CTNNA1: variants seen among roughly 807,000 people sequenced by gnomAD.
The protein encoded by CTNNA1 is catenin alpha 1.
Under a neutral mutation model 98.4 loss-of-function variants are expected in CTNNA1, and 37 were observed. That is an observed-to-expected ratio of 0.38 (90% confidence interval 0.29 to 0.49). The LOEUF (loss-of-function observed/expected upper bound fraction) is 0.49. CTNNA1 is among the 20% of genes least tolerant of loss of function. CTNNA1 has a pLI of 0.95. For synonymous variants in CTNNA1, 404 were observed against 413.2 expected, an observed-to-expected ratio of 0.98 and a Z score of 0.27; for missense variants, 761 against 1,147.2, an observed-to-expected ratio of 0.66 and a Z score of 4.86.
intron 3 of CTNNA1, among the ~76,000 whole-genome samples, chr5:138,798,198 G>T (rs1289561061): frequency 6.6e-6 from 1 of 152,000 alleles, no homozygotes; most frequent in Non-Finnish European, 1.5e-5. Flanking sequence ...GGGCACAGAA[G>T]TATTTGTTGA....
intron 7 of CTNNA1, among the ~76,000 whole-genome samples, chr5:138,849,741 C>T (rs993880742): frequency 1.3e-5 from 2 of 151,988 alleles, no homozygotes; most frequent in East Asian, 1.9e-4. Context: ...CATTTGCTGG[C>T]TTTCATAGGG....
At chr5:138,814,878 C>T (rs1188582044) in intron 5 of CTNNA1, among the ~76,000 whole-genome samples, 1 of 152,064 alleles carries the variant, frequency 6.6e-6, no homozygotes, top group East Asian at 1.9e-4. Context: ...CTCAGGCTCC[C>T]GAGTAGCTGG....
intron 1 of CTNNA1, among the ~76,000 whole-genome samples, chr5:138,776,992 G>A (rs562978658): frequency 5.5e-3 from 369 of 66,536 alleles, no homozygotes; most frequent in Middle Eastern, 0.039. Flanking sequence ...CTGGCCTGGC[G>A]GGGGCTGACC....
intron 17 of CTNNA1, 60 bp from the exon 18 acceptor site, chr5:138,933,742 C>T: frequency 1.3e-6 from 2 of 1,563,812 alleles, no homozygotes; most frequent in Non-Finnish European, 8.7e-7. Context: ...CACAGCCCAC[C>T]TGTGTCCACG....
chr5:138,884,350 G>A (rs1201780900), intron 7 of CTNNA1, among the ~76,000 whole-genome samples: 1 of 152,164 alleles, frequency 6.6e-6, no homozygotes, highest in East Asian at 1.9e-4. Context: ...AAGCCTCCAG[G>A]TAGTAGGCTT....
intron 10 of CTNNA1, among the ~76,000 whole-genome samples, chr5:138,907,801 G>T (rs542958571): frequency 6.6e-6 from 1 of 152,300 alleles, no homozygotes; most frequent in Non-Finnish European, 1.5e-5. Flanking sequence ...GAGGTGCTCA[G>T]TGCTTCTAGG....
chr5:138,930,167 C>A (rs1764998560), intron 14 of CTNNA1, among the ~76,000 whole-genome samples: 1 of 152,202 alleles, frequency 6.6e-6, no homozygotes, highest in Non-Finnish European at 1.5e-5. Context: ...CATTTCTTGT[C>A]TTATATTAAT....
intron 6 of CTNNA1, among the ~76,000 whole-genome samples, 187 bp from the exon 7 acceptor site, chr5:138,827,328 C>A (rs973486664): frequency 6.6e-6 from 1 of 152,184 alleles, no homozygotes; most frequent in Non-Finnish European, 1.5e-5. Context: ...CCACTGCTTT[C>A]TTTGAGGAGT....
intron 3 of CTNNA1, among the ~76,000 whole-genome samples, chr5:138,807,008 CTTTT>C (rs1321047490): frequency 9.0e-6 from 1 of 111,496 alleles, no homozygotes; most frequent in Non-Finnish European, 1.9e-5. Flanking sequence ...AGATGTTGGA[CTTTT>C]TTTTTTTTTT....
chr5:138,928,321 C>G (rs1764562874), intron 13 of CTNNA1, among the ~76,000 whole-genome samples: 1 of 152,154 alleles, frequency 6.6e-6, no homozygotes, highest in Non-Finnish European at 1.5e-5. Context: ...ATAATTAAAG[C>G]AAAGAGCTAG....
Position 138,874,252 on chromosome 5 carries a change from A to G in CTNNA1, c.1063-11960A>G. ...TAAGTTTATATAGTCCTTGAAAAGCATCTTCTTTTACTGTTGAAATTTGAT... is the reference window on the plus strand; with the variant it reads ...TAAGTTTATATAGTCCTTGAAAAGCGTCTTCTTTTACTGTTGAAATTTGAT... On this transcript the variant is annotated intron_variant, in intron 7 of 17. Transcript: ENST00000302763. The surrounding 1 kb of genome is among the most constrained non-coding windows in gnomAD (Gnocchi z 4.1). 6.2e-7 allele frequency: 1 copy of G among 1,614,050 alleles called. No individual in the cohort carries two copies. Among genetic ancestry groups the G allele is most frequent in the Non-Finnish European group, 8.5e-7 (1 of 1,179,894 alleles).
chr5:138,823,555 G>A (rs1760257418), intron 5 of CTNNA1, among the ~76,000 whole-genome samples: 1 of 152,132 alleles, frequency 6.6e-6, no homozygotes, highest in South Asian at 2.1e-4. Flanking sequence ...AGCGGGAGAG[G>A]AGGAGATACG....
intron 7 of CTNNA1, among the ~76,000 whole-genome samples, chr5:138,862,491 A>G (rs961759264): frequency 1.3e-5 from 2 of 152,198 alleles, no homozygotes; most frequent in Non-Finnish European, 2.9e-5. Context: ...ATGATAATGG[A>G]TAGTACTTGT....
chr5:138,801,019 G>C (rs1477503039), intron 3 of CTNNA1, among the ~76,000 whole-genome samples: 1 of 152,180 alleles, frequency 6.6e-6, no homozygotes, highest in Non-Finnish European at 1.5e-5. Context: ...TAAACATGAT[G>C]AATGAGAACT....
In CTNNA1 at chr5:138,781,976, C is replaced by G. The variant is rs1755160879; in HGVS notation, c.52C>G (p.Leu18Val). 1.2e-6 allele frequency: 2 copies of G among 1,603,388 alleles called. No individual in the cohort carries two copies. Among genetic ancestry groups the G allele is most frequent in the African/African-American group, 1.3e-5 (1 of 74,274 alleles). ...NINFKWDPKS[L>V]EIRTLAVERL... ...AAACTTCAAGTGGGATCCTAAAAGT[C>G]TAGAGATCAGGACTCTGGCAGTTGA... Residue 18 changes from leucine (L) to valine (V), a missense_variant, in exon 2 of 18, where the codon CTA becomes GTA. Transcript: ENST00000302763.
intron 16 of CTNNA1, chr5:138,932,174 C>CTT: frequency 9.9e-7 from 1 of 1,005,216 alleles, no homozygotes; most frequent in Non-Finnish European, 1.2e-6. Context: ...AACATCTGGA[C>CTT]TTTTCTCCAT....
intron 7 of CTNNA1, among the ~76,000 whole-genome samples, chr5:138,855,361 C>T (rs545856288): frequency 4.7e-5 from 7 of 149,114 alleles, no homozygotes; most frequent in Admixed American, 4.7e-4. Context: ...TTAAACCAAA[C>T]AAGCTAACCA....
chr5:138,856,065 A>G (rs1763696862), intron 7 of CTNNA1, among the ~76,000 whole-genome samples: 1 of 152,198 alleles, frequency 6.6e-6, no homozygotes, highest in Middle Eastern at 3.2e-3. Context: ...TTTTTGAAGT[A>G]TAACCCTCAA....
intron 7 of CTNNA1, chr5:138,870,490 C>G (rs535485082): frequency 6.6e-6 from 1 of 152,208 alleles, no homozygotes; most frequent in South Asian, 2.1e-4. Context: ...CTATGCTGTT[C>G]CTCTGAATTA....
Sources: allele counts gnomAD v4.1 joint callset (sites outside exome capture counted in the v4.1 genomes callset), GRCh38; gene constraint gnomAD v4.1.1; non-coding constraint Gnocchi (gnomAD v3.1); transcripts MANE v1.5; gene names NCBI Gene and HGNC (gene_info 2026-07-23, HGNC 2026-07-21).